ETS1: variants seen among roughly 807,000 people sequenced by gnomAD.
ETS1 encodes ETS proto-oncogene 1, transcription factor, also known as protein C-ets-1.
A neutral mutation model predicts 58.6 loss-of-function variants in ETS1; 15 were observed. The ratio of observed to expected loss-of-function variants is 0.26; its 90% CI spans 0.17 to 0.39. The LOEUF is 0.39. Among genes scored for constraint, ETS1 ranks in the 10% least tolerant of loss-of-function variants. The probability of loss-of-function intolerance (pLI) is 1.00; values close to 1 mark genes in which losing one functional copy is unlikely to be tolerated. For synonymous variants in ETS1, 214 were observed against 218.2 expected, an observed-to-expected ratio of 0.98 and a Z score of 0.17; for missense variants, 417 against 610.5, an observed-to-expected ratio of 0.68 and a Z score of 3.34.
At chr11:128,511,753 G>A (rs765117655) in intron 3 of ETS1, among the ~76,000 whole-genome samples, 1 of 152,154 alleles carries the variant, frequency 6.6e-6, no homozygotes, top group Non-Finnish European at 1.5e-5. Flanking sequence ...GATACTCATC[G>A]AATCAAAGAA....
At chr11:128,543,001 C>T (rs1345477971) in intron 3 of ETS1, among the ~76,000 whole-genome samples, 4 of 151,894 alleles carry the variant, frequency 2.6e-5, no homozygotes, top group African/African-American at 4.8e-5. Flanking sequence ...GGTGAAAACC[C>T]GTCTCTACTA....
At chr11:128,559,442 T>C (rs940946607) in intron 2 of ETS1, among the ~76,000 whole-genome samples, 2 of 152,252 alleles carry the variant, frequency 1.3e-5, no homozygotes, top group African/African-American at 4.8e-5. Context: ...GTTGGTTTTT[T>C]TCCTGGAGTC....
At chr11:128,582,314 A>G (rs1336818543) in intron 1 of ETS1, among the ~76,000 whole-genome samples, 1 of 152,224 alleles carries the variant, frequency 6.6e-6, no homozygotes, top group African/African-American at 2.4e-5. Flanking sequence ...AATGCAGGTA[A>G]TAATATCAAC....
rs888866405 is a variant in ETS1, at chr11:128,460,392, G to C, written c.*1969C>G. The C allele has an allele frequency of 2.0e-5, 3 of 152,646 alleles. No homozygotes were observed. The highest frequency in any genetic ancestry group is 6.5e-5 in the Admixed American group (1 of 15,272). 9.5% of individuals were successfully genotyped at this position (152,646 alleles called of 1,614,324 possible). A position where few individuals can be genotyped will look rare whatever the true frequency, so the allele number is the denominator to read the frequency against. On this transcript the variant is annotated 3_prime_UTR_variant, in exon 10 of 10. Coordinates refer to ENST00000392668, the MANE Select transcript of ETS1 (RefSeq NM_001143820.2). ...CAGAGCTATGTTCCTGATAATTCTGGGTCTGCAAGAGGATCTGGGAGTAAA... is the reference window on the plus strand; with the variant it reads ...CAGAGCTATGTTCCTGATAATTCTGCGTCTGCAAGAGGATCTGGGAGTAAA...
rs376496597 is a variant in ETS1 at position 128,481,197 on chromosome 11, T to C, written c.863-746A>G. On this transcript the variant is annotated intron_variant, in intron 7 of 9. Coordinates refer to ENST00000392668, the MANE Select transcript of ETS1 (RefSeq NM_001143820.2). ...AAAATTATGTACTTGAAATTTAAAC[T>C]TCATTGGAAAAGTGTAGGCAATATT... Among the ~76,000 whole-genome samples the C allele has an allele frequency of 3.3e-5, 5 of 152,324 alleles. No homozygotes were observed. The East Asian group carries it at 7.7e-4, about 23-fold the overall frequency.
chr11:128,581,796 C>T lies in ETS1; in HGVS notation c.-15+5692G>A, dbSNP rs545686019. Among the ~76,000 whole-genome samples the T allele has an allele frequency of 2.5e-4, 38 of 152,252 alleles. No individual in the cohort carries two copies. The East Asian group carries it at 2.5e-3, about 10-fold the overall frequency. ...GCCTGTGAAGCATGTCAGACATAATCTAGAGTTTAGACTTGGCTCTGGCTC... is the reference window on the plus strand; with the variant it reads ...GCCTGTGAAGCATGTCAGACATAATTTAGAGTTTAGACTTGGCTCTGGCTC... On this transcript the variant is annotated intron_variant, in intron 1 of 9. Transcript: ENST00000392668.
At chr11:128,473,067 A>G (rs1232751845) in intron 8 of ETS1, among the ~76,000 whole-genome samples, 1 of 152,182 alleles carries the variant, frequency 6.6e-6, no homozygotes, top group East Asian at 1.9e-4. Context: ...CATTTATACA[A>G]TGGGCATAAC....
chr11:128,477,054 G>A (rs1565370532), intron 8 of ETS1, among the ~76,000 whole-genome samples: 1 of 152,252 alleles, frequency 6.6e-6, no homozygotes, highest in Non-Finnish European at 1.5e-5. Flanking sequence ...CGCACTTACA[G>A]TGCAGTAAGA....
rs561437078 is a variant in ETS1 at position 128,510,745 on chromosome 11, A to G, written c.215-20169T>C. Reference sequence around the variant, plus strand: ...TTCCCATCCCTACCTCCCCTTCCCTAGTAATCCAGAGGTACTCAAGGTCAC... The same window carrying G: ...TTCCCATCCCTACCTCCCCTTCCCTGGTAATCCAGAGGTACTCAAGGTCAC... On this transcript the variant is annotated intron_variant, in intron 3 of 9. Coordinates refer to ENST00000392668, the MANE Select transcript of ETS1 (RefSeq NM_001143820.2). Among the ~76,000 whole-genome samples the G allele has an allele frequency of 2.0e-5, 3 of 152,244 alleles. No individual in the cohort carries two copies. The South Asian group carries it at 6.2e-4, about 32-fold the overall frequency.
intron 5 of ETS1, among the ~76,000 whole-genome samples, chr11:128,487,711 C>A (rs1862674716): frequency 6.6e-6 from 1 of 151,884 alleles, no homozygotes; most frequent in African/African-American, 2.4e-5. Flanking sequence ...TGCACTCCAG[C>A]CTGGGTGACA....
intron 3 of ETS1, among the ~76,000 whole-genome samples, chr11:128,495,310 G>T (rs1555077930): frequency 6.7e-6 from 1 of 148,516 alleles, no homozygotes; most frequent in African/African-American, 2.5e-5. Flanking sequence ...TCAGAGCTGA[G>T]AAAAAAAAAA....
At chr11:128,480,164 T>C (rs1307121860) in intron 8 of ETS1, 27 bp downstream of exon 8, 2 of 1,609,994 alleles carry the variant, frequency 1.2e-6, no homozygotes, top group East Asian at 2.2e-5. Context: ...CAGATGGAGT[T>C]GGCCTAAGCA....
In ETS1 at chr11:128,489,185, C is replaced by T. The variant is rs1412535384; in HGVS notation, c.535+105G>A. The stretch of plus-strand genomic sequence containing the variant: ...TTCCCACATACGTCCTACAGTAGGA[C>T]ACCCACAGATAAAGGCATTGACGTC... On this transcript the variant is annotated intron_variant, in intron 5 of 9. Coordinates refer to ENST00000392668, the MANE Select transcript of ETS1 (RefSeq NM_001143820.2). The T allele has an allele frequency of 8.9e-6, 8 of 903,580 alleles. No homozygotes were observed. In the East Asian group the frequency reaches 1.7e-4, roughly 19 times the overall value. The allele number at this position is 903,580 out of a possible 1,614,324, so 56.0% of individuals were successfully genotyped here. A position where few individuals can be genotyped will look rare whatever the true frequency, so the allele number is the denominator to read the frequency against.
At position 128,486,118 on chromosome 11, in the gene ETS1, T is replaced by A. The variant is rs1362031621; in HGVS notation, c.564A>T (p.Gly188=). The change falls in exon 6 of 10, where the codon GGA becomes GGT. Residue 188 remains glycine (G), a synonymous_variant. Transcript: ENST00000392668. ...GGGATTCTGGATAGGCTGGGTTGAC[T>A]CCATTAACTTGATATGGTTTCACAT... ...KEDVKPYQVN[G]VNPAYPESRY... is the part of the protein sequence containing the mutation. 6.2e-7 allele frequency: 1 copy of A among 1,610,618 alleles called. No individual in the cohort carries two copies. Among genetic ancestry groups the A allele is most frequent in the East Asian group, 2.2e-5 (1 of 44,862 alleles).
At chr11:128,473,384 C>T (rs1363801518) in intron 8 of ETS1, among the ~76,000 whole-genome samples, 1 of 152,254 alleles carries the variant, frequency 6.6e-6, no homozygotes, top group East Asian at 1.9e-4. Context: ...ATACCCAGCA[C>T]TGCTCCAAGT....
At chr11:128,582,181 T>C (rs961411746) in intron 1 of ETS1, among the ~76,000 whole-genome samples, 5 of 152,160 alleles carry the variant, frequency 3.3e-5, no homozygotes, top group South Asian at 2.1e-4. Context: ...TCCTAAGAGG[T>C]TACGTGTTTA....
rs58228263 is a variant in ETS1 at position 128,464,355 on chromosome 11, G to GACACACACACACACACACAC, written c.1124-748_1124-729dup. ...CATAGGTTCAGTATATTCTAAATTA[G>GACACACACACACACACACAC]ACACACACACACACACACACACACA... is the stretch of plus-strand genomic sequence containing the variant. On this transcript the variant is annotated intron_variant, in intron 8 of 9. Transcript: ENST00000392668. The surrounding 1 kb of genome is among the most constrained non-coding windows in gnomAD (Gnocchi z 4.1). 6.9e-6 allele frequency among the ~76,000 whole-genome samples: 1 copy of GACACACACACACACACACAC among 144,918 alleles called. No homozygotes were observed. Among genetic ancestry groups the GACACACACACACACACACAC allele is most frequent in the African/African-American group, 2.5e-5 (1 of 39,248 alleles).
At chr11:128,551,517 C>T (rs983757479) in intron 3 of ETS1, among the ~76,000 whole-genome samples, 2 of 152,150 alleles carry the variant, frequency 1.3e-5, no homozygotes, top group Non-Finnish European at 2.9e-5. Context: ...TAGTGAGATC[C>T]AAAGCCACAC....
chr11:128,580,817 C>T (rs75172493), intron 1 of ETS1, among the ~76,000 whole-genome samples: 2,401 of 152,240 alleles, frequency 0.016, 70 homozygotes, highest in African/African-American at 0.054. Flanking sequence ...ATAATTATTC[C>T]GCCAACCCTT....
Sources: allele counts gnomAD v4.1 joint callset (sites outside exome capture counted in the v4.1 genomes callset), GRCh38; gene constraint gnomAD v4.1.1; non-coding constraint Gnocchi (gnomAD v3.1); transcripts MANE v1.5; gene names NCBI Gene and HGNC (gene_info 2026-07-23, HGNC 2026-07-21).